The following ESRRB variants were observed in gnomAD, a reference collection of about 807,000 sequenced individuals.
ESRRB encodes the protein steroid hormone receptor ERR2.
ESRRB carries 16 observed loss-of-function variants against 46.0 expected under a neutral mutation model. The ratio of observed to expected loss-of-function variants is 0.35; its 90% CI spans 0.24 to 0.53. ESRRB has a LOEUF of 0.53. ESRRB is among the 20% of genes least tolerant of loss of function. The probability of loss-of-function intolerance (pLI) is 0.93; values close to 1 mark genes in which losing one functional copy is unlikely to be tolerated. For missense variants in ESRRB, 488 were observed against 607.4 expected (o/e 0.80, Z 2.07); for synonymous variants, 246 against 259.6 (o/e 0.95, Z 0.50).
intron 2 of ESRRB, among the ~76,000 whole-genome samples, chr14:76,441,397 G>A (rs1201478459): frequency 6.6e-6 from 1 of 152,196 alleles, no homozygotes; most frequent in Non-Finnish European, 1.5e-5. Context: ...GGAGAATGGT[G>A]GGCCTGCCCC....
chr14:76,334,523 C>T (rs907137004), intron 1 of ESRRB, among the ~76,000 whole-genome samples: 1 of 152,200 alleles, frequency 6.6e-6, no homozygotes, highest in Admixed American at 6.5e-5. Flanking sequence ...AATTTTCAAC[C>T]GGGTTCCACT....
At chr14:76,464,697 T>C (rs1328877101) in intron 3 of ESRRB, among the ~76,000 whole-genome samples, 5 of 152,170 alleles carry the variant, frequency 3.3e-5, no homozygotes, top group African/African-American at 1.2e-4. Flanking sequence ...AGGCTGTCTG[T>C]TGGTTCATTT....
chr14:76,339,574 C>A (rs552461899), intron 1 of ESRRB, among the ~76,000 whole-genome samples: 1 of 152,210 alleles, frequency 6.6e-6, no homozygotes, highest in African/African-American at 2.4e-5. Context: ...AGACAGGCCC[C>A]TGTACAGCTG....
At chr14:76,374,154 T>C (rs12586708), upstream of ESRRB, among the ~76,000 whole-genome samples, 35,920 of 151,972 alleles carry the variant, frequency 0.24, 4,275 homozygotes, top group East Asian at 0.32. Context: ...TTCAGCAAAA[T>C]CTTCATCAAG....
intron 5 of ESRRB, among the ~76,000 whole-genome samples, chr14:76,489,933 A>G (rs185172134): frequency 7.3e-4 from 111 of 152,358 alleles, no homozygotes; most frequent in African/African-American, 2.5e-3. Context: ...CAACAGCCAC[A>G]GCCATGACCA....
chr14:76,389,127 A>G (rs548136463), intron 1 of ESRRB, among the ~76,000 whole-genome samples: 12 of 152,170 alleles, frequency 7.9e-5, no homozygotes, highest in African/African-American at 2.9e-4. Context: ...ACTTTTACCT[A>G]TGTATACACC....
upstream of ESRRB, among the ~76,000 whole-genome samples, chr14:76,369,132 G>A (rs1161182254): frequency 6.6e-6 from 1 of 150,784 alleles, no homozygotes; most frequent in Non-Finnish European, 1.5e-5. Flanking sequence ...GGGAGTCAGA[G>A]GTTGCAGTGA....
At chr14:76,443,747 C>A (rs887197528) in intron 2 of ESRRB, among the ~76,000 whole-genome samples, 3 of 151,998 alleles carry the variant, frequency 2.0e-5, no homozygotes, top group Non-Finnish European at 4.4e-5. Flanking sequence ...CTACTGCATG[C>A]TTGACAGAGG....
intron 1 of ESRRB, among the ~76,000 whole-genome samples, chr14:76,433,714 C>A (rs1487912757): frequency 1.3e-5 from 2 of 152,162 alleles, no homozygotes; most frequent in Non-Finnish European, 2.9e-5. Context: ...AGGCTTCTGT[C>A]CCCATCATGC....
At chr14:76,393,001 T>C (rs1885528802) in intron 1 of ESRRB, among the ~76,000 whole-genome samples, 1 of 152,138 alleles carries the variant, frequency 6.6e-6, no homozygotes, top group South Asian at 2.1e-4. Context: ...TGCGGGCATG[T>C]GGGGCAGGGA....
intron 6 of ESRRB, among the ~76,000 whole-genome samples, chr14:76,494,464 G>A (rs1334119699): frequency 2.0e-5 from 3 of 151,738 alleles, no homozygotes; most frequent in Admixed American, 6.6e-5. Flanking sequence ...CTGCCACCAC[G>A]CCCGGCTAAT....
upstream of ESRRB, among the ~76,000 whole-genome samples, chr14:76,372,045 C>T (rs968725328): frequency 6.6e-6 from 1 of 152,154 alleles, no homozygotes; most frequent in African/African-American, 2.4e-5. Context: ...TTTCACCCGA[C>T]CTCTGGCAAG....
At chr14:76,445,839 C>A (rs983119620) in intron 2 of ESRRB, among the ~76,000 whole-genome samples, 3 of 152,092 alleles carry the variant, frequency 2.0e-5, no homozygotes, top group African/African-American at 7.2e-5. Flanking sequence ...GCGTGTACCA[C>A]CACACCCGGC....
upstream of ESRRB, among the ~76,000 whole-genome samples, chr14:76,369,866 C>T (rs1344407653): frequency 6.6e-6 from 1 of 152,070 alleles, no homozygotes; most frequent in Non-Finnish European, 1.5e-5. Context: ...CGAAAGTTTC[C>T]CATATTTTGT....
intron 1 of ESRRB, among the ~76,000 whole-genome samples, chr14:76,321,064 G>A (rs1000627059): frequency 6.6e-6 from 1 of 152,002 alleles, no homozygotes; most frequent in South Asian, 2.1e-4. Context: ...TTACTAAATG[G>A]CCTCGATTTT....
chr14:76,428,950 G>A lies in ESRRB; in HGVS notation c.51-10391G>A, dbSNP rs939946783. Among the ~76,000 whole-genome samples, 4 of 152,150 alleles carry A rather than the reference G, an allele frequency of 2.6e-5. 1 individual carries two copies. The highest frequency in any genetic ancestry group is 4.4e-5 in the Non-Finnish European group (3 of 68,026). ...GCCTGAGCTCCAGAGCGTGCAGAGGGAGGCAACTCTCGCTGAAGCCACCAT... is the reference window on the plus strand; with the variant it reads ...GCCTGAGCTCCAGAGCGTGCAGAGGAAGGCAACTCTCGCTGAAGCCACCAT... On this transcript the variant is annotated intron_variant, in intron 1 of 6. Transcript: ENST00000644823.
intron 3 of ESRRB, among the ~76,000 whole-genome samples, chr14:76,475,313 G>A (rs1344149901): frequency 1.1e-4 from 17 of 149,550 alleles, no homozygotes; most frequent in African/African-American, 3.2e-4. Flanking sequence ...AGGTTGCAGC[G>A]AGCTGTGATG....
At chr14:76,410,584 G>A (rs780734035) in intron 1 of ESRRB, among the ~76,000 whole-genome samples, 21 of 152,280 alleles carry the variant, frequency 1.4e-4, no homozygotes, top group Admixed American at 7.8e-4. Context: ...GGAGGCACAG[G>A]TTGGTTAAGT....
At chr14:76,392,277 T>A (rs1374035965) in intron 1 of ESRRB, among the ~76,000 whole-genome samples, 1 of 152,184 alleles carries the variant, frequency 6.6e-6, no homozygotes, top group Non-Finnish European at 1.5e-5. Flanking sequence ...GGCAGGGGCA[T>A]ATCCGAGAAA....
Sources: allele counts gnomAD v4.1 joint callset (sites outside exome capture counted in the v4.1 genomes callset), GRCh38; gene constraint gnomAD v4.1.1; transcripts MANE v1.5; gene names NCBI Gene and HGNC (gene_info 2026-07-23, HGNC 2026-07-21).